Variants in CCDC91 observed in about 807,000 individuals in gnomAD.
The protein encoded by CCDC91 is coiled-coil domain containing 91, also known as coiled-coil domain-containing protein 91.
In CCDC91, 48 loss-of-function variants were observed where a neutral mutation model predicts 63.2. The observed-to-expected ratio is 0.76, with a 90% CI of 0.60 to 0.97. The LOEUF is 0.97. Among genes scored for constraint, CCDC91 ranks in the 50% least tolerant of loss-of-function variants. The pLI, the probability that CCDC91 is intolerant of heterozygous loss-of-function variation, is 0.00. For missense variants in CCDC91, 500 were observed against 494.6 expected (o/e 1.01, Z -0.10); for synonymous variants, 167 against 165.8 (o/e 1.01, Z -0.06).
intron 12 of CCDC91, among the ~76,000 whole-genome samples, chr12:28,506,958 G>A (rs1394310400): frequency 1.3e-5 from 2 of 151,832 alleles, no homozygotes; most frequent in Non-Finnish European, 2.9e-5. Flanking sequence ...TTCTTTATGG[G>A]AATCAAGCTT....
At chr12:28,492,073 T>C (rs915454663) in intron 12 of CCDC91, among the ~76,000 whole-genome samples, 16 of 151,776 alleles carry the variant, frequency 1.1e-4, no homozygotes, top group African/African-American at 3.9e-4. Flanking sequence ...TTAAACTGTT[T>C]AGAAGGAAAT....
chr12:28,382,159 T>C (rs916244723), intron 7 of CCDC91, among the ~76,000 whole-genome samples: 6 of 152,174 alleles, frequency 3.9e-5, no homozygotes, highest in African/African-American at 1.2e-4. Context: ...TGTAATAACA[T>C]TGATTTAAGT....
At chr12:28,274,220 A>G (rs1375313321) in intron 3 of CCDC91, among the ~76,000 whole-genome samples, 13 of 152,110 alleles carry the variant, frequency 8.5e-5, no homozygotes, top group African/African-American at 2.7e-4. Flanking sequence ...TGGTACCAGT[A>G]CCATGGTGTT....
intron 8 of CCDC91, among the ~76,000 whole-genome samples, chr12:28,418,988 T>A (rs553618510): frequency 6.6e-5 from 10 of 152,296 alleles, no homozygotes; most frequent in Admixed American, 5.2e-4. Context: ...GTTCTAGGTA[T>A]TTGTCAAAAT....
At chr12:28,355,871 T>G (rs1393927958) in intron 6 of CCDC91, among the ~76,000 whole-genome samples, 5 of 152,164 alleles carry the variant, frequency 3.3e-5, no homozygotes, top group African/African-American at 7.2e-5. Flanking sequence ...GGAGCAGTGA[T>G]TAAAATTAGT....
intron 8 of CCDC91, among the ~76,000 whole-genome samples, chr12:28,418,646 A>T (rs917298516): frequency 2.0e-5 from 3 of 152,152 alleles, no homozygotes; most frequent in African/African-American, 7.2e-5. Context: ...TAATACTGTA[A>T]AATAGATTTC....
rs542162452 is a variant in CCDC91 at position 28,397,952 on chromosome 12, G to C, written c.762+6541G>C. ...AAACATATTCCTGTTTATTCCCTTA[G>C]AGTTACAAGTACTTTGTTGAATTGA... On this transcript the variant is annotated intron_variant, in intron 8 of 12. Transcript: ENST00000536442. Among the ~76,000 whole-genome samples, 171 of 152,148 alleles carry C rather than the reference G, an allele frequency of 1.1e-3. 2 individuals are homozygous for C. Among genetic ancestry groups the C allele is most frequent in the African/African-American group, 3.5e-3 (145 of 41,524 alleles).
chr12:28,261,793 C>T (rs1357807909), intron 3 of CCDC91, among the ~76,000 whole-genome samples: 4 of 151,766 alleles, frequency 2.6e-5, no homozygotes, highest in South Asian at 2.1e-4. Context: ...CTCAAACCTT[C>T]GCGAAACTGG....
chr12:28,200,424 CCCTGCGG>C (rs1942134359), intron 1 of CCDC91, among the ~76,000 whole-genome samples: 1 of 146,120 alleles, frequency 6.8e-6, no homozygotes, highest in South Asian at 2.3e-4. Context: ...AGGCAGAGGA[CCCTGCGG>C]CCTTCCGCAG....
chr12:28,215,158 G>A (rs1943484235), intron 1 of CCDC91, among the ~76,000 whole-genome samples: 2 of 152,130 alleles, frequency 1.3e-5, no homozygotes, highest in Non-Finnish European at 2.9e-5. Context: ...TACTTGGACT[G>A]TAACTTACAC....
At chr12:28,300,870 A>G (rs1376544368) in intron 3 of CCDC91, among the ~76,000 whole-genome samples, 1 of 151,608 alleles carries the variant, frequency 6.6e-6, no homozygotes, top group Non-Finnish European at 1.5e-5. Flanking sequence ...AGTGAAAAAT[A>G]CTTATTTTCT....
At chr12:28,500,188 G>GTT (rs1565481845) in intron 12 of CCDC91, among the ~76,000 whole-genome samples, 2 of 142,780 alleles carry the variant, frequency 1.4e-5, no homozygotes, top group African/African-American at 5.7e-5. Context: ...TTTTTGATGG[G>GTT]GTTTTTTTTT....
At chr12:28,282,482 T>C (rs1410067558) in intron 3 of CCDC91, among the ~76,000 whole-genome samples, 4 of 152,218 alleles carry the variant, frequency 2.6e-5, no homozygotes, top group African/African-American at 9.6e-5. Flanking sequence ...GGTGTATATA[T>C]ACCACATTTT....
At chr12:28,357,486 G>T (rs894062990) in intron 6 of CCDC91, among the ~76,000 whole-genome samples, 8 of 152,022 alleles carry the variant, frequency 5.3e-5, no homozygotes, top group African/African-American at 1.9e-4. Flanking sequence ...ATATGTCTTT[G>T]CTTCACCAGA....
Position 28,257,930 on chromosome 12 carries a change from A to ATT in CCDC91, c.30+701_30+702dup, listed in dbSNP as rs71438740. 7.3e-3 allele frequency among the ~76,000 whole-genome samples: 1,052 copies of ATT among 143,236 alleles called. 5 individuals carry two copies. The highest frequency in any genetic ancestry group is 0.011 in the Non-Finnish European group (691 of 65,428). 94.0% of individuals were successfully genotyped at this position (143,236 alleles called of 152,430 possible). On this transcript the variant is annotated intron_variant, in intron 2 of 12. Coordinates refer to ENST00000536442, the MANE Select transcript of CCDC91 (RefSeq NM_018318.5). Reference sequence around the variant, plus strand: ...GAACTACCATCAAGGGAATGCTGTGATTTTTTTTTTTTTTTTTAAAGAATT... The same window carrying ATT: ...GAACTACCATCAAGGGAATGCTGTGATTTTTTTTTTTTTTTTTTTAAAGAATT...
At chr12:28,505,214 G>A (rs1249226285) in intron 12 of CCDC91, among the ~76,000 whole-genome samples, 1 of 151,814 alleles carries the variant, frequency 6.6e-6, no homozygotes, top group East Asian at 2.0e-4. Flanking sequence ...GAAAACTAAT[G>A]GAACGCTGAA....
chr12:28,393,515 A>T (rs1394690309), intron 8 of CCDC91, among the ~76,000 whole-genome samples: 1 of 152,194 alleles, frequency 6.6e-6, no homozygotes, highest in South Asian at 2.1e-4. Context: ...TCATTTTATC[A>T]AACTAGGGTG....
chr12:28,428,047 A>T (rs1206798631), intron 8 of CCDC91, among the ~76,000 whole-genome samples: 1 of 152,154 alleles, frequency 6.6e-6, no homozygotes, highest in Non-Finnish European at 1.5e-5. Flanking sequence ...TCAGAACCAG[A>T]GCTGAACACT....
chr12:28,317,711 T>C (rs1327092327), intron 6 of CCDC91, among the ~76,000 whole-genome samples: 1 of 151,996 alleles, frequency 6.6e-6, no homozygotes, highest in Non-Finnish European at 1.5e-5. Flanking sequence ...GAACTAGTTT[T>C]ATGTCCATGT....
Sources: allele counts gnomAD v4.1 joint callset (sites outside exome capture counted in the v4.1 genomes callset), GRCh38; gene constraint gnomAD v4.1.1; transcripts MANE v1.5; gene names NCBI Gene and HGNC (gene_info 2026-07-23, HGNC 2026-07-21).